PRDM6: variants seen among roughly 807,000 people sequenced by gnomAD.
PRDM6 encodes PR/SET domain 6, also known as putative histone-lysine N-methyltransferase PRDM6.
In PRDM6, 25 loss-of-function variants were observed where a neutral mutation model predicts 60.8. That is an observed-to-expected ratio of 0.41 (90% CI 0.30 to 0.57). The LOEUF (loss-of-function observed/expected upper bound fraction) is 0.57. Ranked by LOEUF, PRDM6 falls within the 20% of genes least tolerant of loss-of-function variation. The pLI, the probability that PRDM6 is intolerant of heterozygous loss-of-function variation, is 0.27. For synonymous variants in PRDM6, 407 were observed against 357.4 expected, an observed-to-expected ratio of 1.14 and a Z score of -1.57; for missense variants, 839 against 821.3, an observed-to-expected ratio of 1.02 and a Z score of -0.26.
In PRDM6 at chr5:123,090,227, G is replaced by T. The variant is rs775181726; in HGVS notation, c.213G>T (p.Pro71=). Residue 71 remains proline (P), a synonymous_variant, in exon 2 of 8, where the codon CCG becomes CCT. Transcript: ENST00000407847. ...AGCCTCCGCCGGACAGCCTGCGCCC[G>T]CGGCCCGCCTCTCTCTCCTCCGCCT... The part of the protein sequence containing the change: ...RAEPPPDSLR[P]RPASLSSASS... 3.9e-5 allele frequency: 57 copies of T among 1,473,066 alleles called. No individual in the cohort carries two copies. The highest frequency in any genetic ancestry group is 1.6e-4 in the African/African-American group (11 of 67,990). The allele number at this position is 1,473,066 out of a possible 1,614,324, so 91.2% of individuals were successfully genotyped here. A position where few individuals can be genotyped will look rare whatever the true frequency, so the allele number is the denominator to read the frequency against.
intron 3 of PRDM6, among the ~76,000 whole-genome samples, chr5:123,109,164 TTC>T (rs1764254964): frequency 6.7e-6 from 1 of 150,270 alleles, no homozygotes; most frequent in African/African-American, 2.5e-5. Flanking sequence ...AGGAGAAAAT[TTC>T]TGTTTCCTTT....
At chr5:123,106,437 CGCA>C (rs1764198864) in intron 3 of PRDM6, among the ~76,000 whole-genome samples, 1 of 152,030 alleles carries the variant, frequency 6.6e-6, no homozygotes, top group Non-Finnish European at 1.5e-5. Context: ...TAAAAAATGG[CGCA>C]GCATTAGACA....
At chr5:123,092,777 T>G (rs1010388545) in intron 2 of PRDM6, among the ~76,000 whole-genome samples, 23 of 152,148 alleles carry the variant, frequency 1.5e-4, no homozygotes, top group African/African-American at 5.5e-4. Context: ...AATAGAAAGC[T>G]GAGATAGCGC....
chr5:123,132,729 G>A (rs900471241), intron 3 of PRDM6, among the ~76,000 whole-genome samples: 2 of 134,142 alleles, frequency 1.5e-5, no homozygotes, highest in East Asian at 3.9e-4. Context: ...GGTCAATATC[G>A]CTTAGAAGCA....
rs1388026534 is a variant in PRDM6 at position 123,187,653 on chromosome 5, T to C, written c.*452T>C. The C allele has an allele frequency of 6.2e-6, 1 of 160,030 alleles. No homozygotes were observed. Among genetic ancestry groups the C allele is most frequent in the Non-Finnish European group, 1.4e-5 (1 of 72,666 alleles). 9.9% of individuals were successfully genotyped at this position (160,030 alleles called of 1,614,324 possible). ...CAGCCCTTCATTCTGCTGTGTCAGT[T>C]TGGCCTGGCCTGACACTGGCTGCCC... On this transcript the variant is annotated 3_prime_UTR_variant, in exon 8 of 8. Transcript: ENST00000407847.
intron 3 of PRDM6, among the ~76,000 whole-genome samples, chr5:123,128,255 A>T (rs533619252): frequency 2.6e-4 from 40 of 152,326 alleles, no homozygotes; most frequent in Non-Finnish European, 5.3e-4. Context: ...TTATAGTAGC[A>T]TGATTTATAA....
chr5:123,137,034 A>G (rs1764973764), intron 3 of PRDM6, among the ~76,000 whole-genome samples: 1 of 152,208 alleles, frequency 6.6e-6, no homozygotes, highest in Non-Finnish European at 1.5e-5. Flanking sequence ...AGTTTCCTAT[A>G]TGTGAAATAG....
chr5:123,143,733 C>A (rs1765175277), intron 3 of PRDM6, among the ~76,000 whole-genome samples: 1 of 151,992 alleles, frequency 6.6e-6, no homozygotes. Flanking sequence ...TGGGCCACTT[C>A]CATTTTCTGA....
chr5:123,096,679 C>A (rs1763966581), intron 2 of PRDM6, among the ~76,000 whole-genome samples: 1 of 152,204 alleles, frequency 6.6e-6, no homozygotes. Flanking sequence ...ACCTAACACA[C>A]AGATAGTCTT....
At chr5:123,128,154 A>G (rs1764737224) in intron 3 of PRDM6, among the ~76,000 whole-genome samples, 1 of 152,154 alleles carries the variant, frequency 6.6e-6, no homozygotes, top group Non-Finnish European at 1.5e-5. Context: ...ACATTTTCTT[A>G]ATCCAGTCTA....
At chr5:123,118,228 C>G (rs1407556531) in intron 3 of PRDM6, among the ~76,000 whole-genome samples, 1 of 152,162 alleles carries the variant, frequency 6.6e-6, no homozygotes, top group Non-Finnish European at 1.5e-5. Context: ...AGATGGAATT[C>G]AAGTTGGGAT....
intron 3 of PRDM6, among the ~76,000 whole-genome samples, chr5:123,113,959 C>A (rs1561818312): frequency 6.6e-6 from 1 of 152,202 alleles, no homozygotes. Context: ...AGGCATTGTA[C>A]AGGTCACAAG....
chr5:123,187,213 G>C lies in PRDM6; in HGVS notation c.*12G>C. On this transcript the variant is annotated 3_prime_UTR_variant, in exon 8 of 8. Transcript: ENST00000407847. Reference sequence around the variant, plus strand: ...TCGAAGTGGATTAACGGATTGACTGGTTGGAATTAAACTGCAAGGAAAGTC... The same window carrying C: ...TCGAAGTGGATTAACGGATTGACTGCTTGGAATTAAACTGCAAGGAAAGTC... The C allele has an allele frequency of 6.5e-7, 1 of 1,532,126 alleles. No homozygotes were observed. Among genetic ancestry groups the C allele is most frequent in the South Asian group, 1.2e-5 (1 of 83,588 alleles). 94.9% of individuals were successfully genotyped at this position (1,532,126 alleles called of 1,614,324 possible). A position where few individuals can be genotyped will look rare whatever the true frequency, so the allele number is the denominator to read the frequency against.
intron 7 of PRDM6, among the ~76,000 whole-genome samples, chr5:123,184,475 A>G (rs1766236894): frequency 6.6e-6 from 1 of 152,168 alleles, no homozygotes; most frequent in Non-Finnish European, 1.5e-5. Context: ...GGAAGGCACA[A>G]CGAAGCCCCT....
rs1211158468 is a variant in PRDM6, at chr5:123,188,337, A to G, written c.*1136A>G. The G allele has an allele frequency of 6.6e-6, 1 of 152,190 alleles. No individual in the cohort carries two copies. The highest frequency in any genetic ancestry group is 2.4e-5 in the African/African-American group (1 of 41,442). 9.4% of individuals were successfully genotyped at this position (152,190 alleles called of 1,614,324 possible). A position where few individuals can be genotyped will look rare whatever the true frequency, so the allele number is the denominator to read the frequency against. Reference sequence around the variant, plus strand: ...AGCCCAGGAGCAGCTAATTTTATCAATAGGATTACTTTGTCTTTTCTTGAG... The same window carrying G: ...AGCCCAGGAGCAGCTAATTTTATCAGTAGGATTACTTTGTCTTTTCTTGAG... On this transcript the variant is annotated 3_prime_UTR_variant, in exon 8 of 8. Coordinates refer to ENST00000407847, the MANE Select transcript of PRDM6 (RefSeq NM_001136239.4).
chr5:123,142,149 A>C (rs533446908), intron 3 of PRDM6, among the ~76,000 whole-genome samples: 1 of 152,140 alleles, frequency 6.6e-6, no homozygotes, highest in African/African-American at 2.4e-5. Context: ...TGGGTATTGA[A>C]ATTTTTTTAT....
At chr5:123,171,990 A>G (rs1765899986) in intron 6 of PRDM6, among the ~76,000 whole-genome samples, 1 of 152,250 alleles carries the variant, frequency 6.6e-6, no homozygotes. Context: ...AGTATCTAAG[A>G]ATAGCATTCA....
At chr5:123,136,521 A>G (rs1257436900) in intron 3 of PRDM6, among the ~76,000 whole-genome samples, 1 of 152,210 alleles carries the variant, frequency 6.6e-6, no homozygotes, top group Non-Finnish European at 1.5e-5. Flanking sequence ...ATTAGAAACT[A>G]AGTAGCCAGT....
chr5:123,124,211 A>G (rs1764645496), intron 3 of PRDM6, among the ~76,000 whole-genome samples: 1 of 152,190 alleles, frequency 6.6e-6, no homozygotes. Context: ...ATGACTGTTT[A>G]TGTAGCACAA....
Sources: allele counts gnomAD v4.1 joint callset (sites outside exome capture counted in the v4.1 genomes callset), GRCh38; gene constraint gnomAD v4.1.1; transcripts MANE v1.5; gene names NCBI Gene and HGNC (gene_info 2026-07-23, HGNC 2026-07-21).